DGKG: variants seen among roughly 807,000 people sequenced by gnomAD.
DGKG encodes the protein DAG kinase gamma.
Under a neutral mutation model 105.3 loss-of-function variants are expected in DGKG, and 78 were observed. The observed-to-expected ratio is 0.74, with a 90% CI of 0.62 to 0.89. The LOEUF is 0.89. DGKG is among the 40% of genes least tolerant of loss of function. The pLI is 0.00. For missense variants in DGKG, 958 were observed against 1,020.1 expected, an observed-to-expected ratio of 0.94 and a Z score of 0.83; for synonymous variants, 346 against 367.1, an observed-to-expected ratio of 0.94 and a Z score of 0.66.
At chr3:186,271,223 G>A (rs1457202685) in intron 11 of DGKG, among the ~76,000 whole-genome samples, 1 of 152,152 alleles carries the variant, frequency 6.6e-6, no homozygotes, top group East Asian at 1.9e-4. Flanking sequence ...TTCCAGACTT[G>A]GAGAATGGCG....
intron 22 of DGKG, among the ~76,000 whole-genome samples, chr3:186,171,836 T>C (rs894317747): frequency 6.6e-6 from 1 of 151,960 alleles, no homozygotes; most frequent in Admixed American, 6.6e-5. Flanking sequence ...AATTTTTCTG[T>C]CCATTCTCAT....
At chr3:186,236,579 T>C (rs1222120118) in intron 20 of DGKG, among the ~76,000 whole-genome samples, 3 of 152,280 alleles carry the variant, frequency 2.0e-5, no homozygotes, top group Non-Finnish European at 4.4e-5. Flanking sequence ...CCTTCTTCTA[T>C]AAATAGTTAC....
intron 9 of DGKG, among the ~76,000 whole-genome samples, chr3:186,278,064 C>T (rs887604875): frequency 3.9e-5 from 6 of 152,122 alleles, no homozygotes; most frequent in African/African-American, 1.4e-4. Flanking sequence ...TTCTACAAGG[C>T]TGATCTGGCA....
chr3:186,179,882 G>A (rs900759300), intron 22 of DGKG, among the ~76,000 whole-genome samples: 5 of 152,242 alleles, frequency 3.3e-5, no homozygotes, highest in Non-Finnish European at 7.3e-5. Context: ...GCGCACGCCA[G>A]CATCACTCAC....
chr3:186,214,981 T>C (rs1343232650), intron 20 of DGKG, among the ~76,000 whole-genome samples: 2 of 152,098 alleles, frequency 1.3e-5, no homozygotes, highest in Non-Finnish European at 2.9e-5. Context: ...AGCTAGGCCA[T>C]GGGACAGGCA....
At chr3:186,282,271 G>A (rs1401633368) in intron 7 of DGKG, among the ~76,000 whole-genome samples, 1 of 152,176 alleles carries the variant, frequency 6.6e-6, no homozygotes, top group African/African-American at 2.4e-5. Context: ...AAAGAGGAGT[G>A]CCTGTGTTCG....
At chr3:186,234,007 A>G (rs1223451468) in intron 20 of DGKG, among the ~76,000 whole-genome samples, 1 of 152,258 alleles carries the variant, frequency 6.6e-6, no homozygotes, top group East Asian at 1.9e-4. Flanking sequence ...AATCATTGCC[A>G]GCATGGGCTT....
intron 6 of DGKG, among the ~76,000 whole-genome samples, chr3:186,285,190 A>G (rs1723007753): frequency 6.6e-6 from 1 of 152,242 alleles, no homozygotes; most frequent in Non-Finnish European, 1.5e-5. Flanking sequence ...TGGAGAGAAT[A>G]ATAGTTGGTT....
intron 23 of DGKG, 31 bp from the exon 24 acceptor site, chr3:186,161,694 G>A (rs375221556): frequency 1.3e-4 from 211 of 1,613,902 alleles, no homozygotes; most frequent in Admixed American, 2.0e-4. Context: ...AGAACACAGT[G>A]AGCTTTTTCA....
At chr3:186,186,103 AAAAAAAAAAAAAAAG>A (rs907434000) in intron 22 of DGKG, among the ~76,000 whole-genome samples, 6 of 151,012 alleles carry the variant, frequency 4.0e-5, no homozygotes, top group African/African-American at 1.5e-4. Flanking sequence ...CCTCAAAAAA[AAAAAAAAAAAAAAAG>A]AGGTCAACAA....
intron 22 of DGKG, among the ~76,000 whole-genome samples, chr3:186,180,426 A>G (rs1215000500): frequency 6.6e-6 from 1 of 152,092 alleles, no homozygotes; most frequent in Non-Finnish European, 1.5e-5. Flanking sequence ...CAGAGCTAAG[A>G]AGAGTCCCAG....
chr3:186,288,830 T>G lies in DGKG; in HGVS notation c.424A>C (p.Thr142Pro). 16 of 1,606,618 alleles carry G rather than the reference T, an allele frequency of 1.0e-5. No homozygotes were observed. Among genetic ancestry groups the G allele is most frequent in the Non-Finnish European group, 1.4e-5 (16 of 1,176,766 alleles). The change falls in exon 6 of 25, where the codon ACC (threonine) becomes CCC (proline). Residue 142 changes from threonine (T) to proline (P), a missense_variant. Physicochemically the swap from Thr to Pro is conservative, Grantham distance 38. Around this residue, in one of 2 missense-constraint regions of DGKG, gnomAD observed 643 missense variants for 619.5 expected, o/e 1.04. Transcript: ENST00000265022. ...CGAGGGACGGGGGGTTCCAGGGGGG[T>G]CGCAGCCACTTGGTCTTCAGCTGGT... ...QAPAEDQVAA[T>P]PLEPPVPRSS...
chr3:186,319,571 G>A (rs1724984936), intron 2 of DGKG, among the ~76,000 whole-genome samples: 1 of 152,218 alleles, frequency 6.6e-6, no homozygotes, highest in Admixed American at 6.5e-5. Context: ...AGCAGGCAGT[G>A]CAGCTGAGAG....
chr3:186,154,225 A>G (rs1715915254), intron 24 of DGKG, among the ~76,000 whole-genome samples: 1 of 152,234 alleles, frequency 6.6e-6, no homozygotes, highest in Admixed American at 6.5e-5. Flanking sequence ...TTAAAGAAAT[A>G]TGGTGAGCCT....
chr3:186,211,202 A>C (rs1341538256), intron 21 of DGKG, among the ~76,000 whole-genome samples: 1 of 152,208 alleles, frequency 6.6e-6, no homozygotes, highest in Non-Finnish European at 1.5e-5. Flanking sequence ...GAAAATTATC[A>C]AGGATTTCAA....
At chr3:186,355,640 A>G (rs543903920) in intron 1 of DGKG, among the ~76,000 whole-genome samples, 47 of 151,528 alleles carry the variant, frequency 3.1e-4, no homozygotes, top group Non-Finnish European at 5.7e-4. Context: ...CACCACTATC[A>G]CCAGCACCAC....
chr3:186,273,367 CTTTTTTTT>C (rs375667915), intron 10 of DGKG, among the ~76,000 whole-genome samples: 17 of 85,636 alleles, frequency 2.0e-4, no homozygotes, highest in South Asian at 5.0e-4. Flanking sequence ...TGTTGTACCC[CTTTTTTTT>C]TTTTTTTTTT....
chr3:186,328,854 C>T (rs981604744), intron 1 of DGKG, among the ~76,000 whole-genome samples: 5 of 152,218 alleles, frequency 3.3e-5, no homozygotes, highest in African/African-American at 1.2e-4. Context: ...GCTGAGATTA[C>T]AGGTGTGAGC....
chr3:186,289,889 C>A (rs143539739), intron 5 of DGKG, among the ~76,000 whole-genome samples: 1 of 152,254 alleles, frequency 6.6e-6, no homozygotes, highest in African/African-American at 2.4e-5. Context: ...AATAACCAAG[C>A]AATGGGAGTG....
Sources: allele counts gnomAD v4.1 joint callset (sites outside exome capture counted in the v4.1 genomes callset), GRCh38; gene constraint gnomAD v4.1.1; regional missense constraint gnomAD v4.1.1; transcripts MANE v1.5; gene names NCBI Gene and HGNC (gene_info 2026-07-23, HGNC 2026-07-21).